The following PEAK1 variants were observed in gnomAD, a reference collection of about 807,000 sequenced individuals.
PEAK1 encodes pseudopodium enriched atypical kinase 1, also known as inactive tyrosine-protein kinase PEAK1.
In PEAK1, 54 loss-of-function variants were observed where a neutral mutation model predicts 124.7. That is an observed-to-expected ratio of 0.43 (90% confidence interval 0.35 to 0.54). The LOEUF is 0.54. Among genes scored for constraint, PEAK1 ranks in the 20% least tolerant of loss-of-function variants. The pLI is 0.01. For synonymous variants in PEAK1, 719 were observed against 760.0 expected, an observed-to-expected ratio of 0.95 and a Z score of 0.89; for missense variants, 2,046 against 2,134.5, an observed-to-expected ratio of 0.96 and a Z score of 0.82.
At chr15:77,269,335 C>A (rs150624398) in intron 5 of PEAK1, among the ~76,000 whole-genome samples, 1 of 152,222 alleles carries the variant, frequency 6.6e-6, no homozygotes, top group Non-Finnish European at 1.5e-5. Flanking sequence ...ATACTCCATG[C>A]AAATGGGCAC....
chr15:77,304,442 A>AC (rs2063962865), intron 2 of PEAK1, among the ~76,000 whole-genome samples: 1 of 86,490 alleles, frequency 1.2e-5, no homozygotes, highest in Non-Finnish European at 2.1e-5. Flanking sequence ...TCCTGTATAC[A>AC]TTTTTTTTTT....
At chr15:77,229,599 C>T (rs1050156162) in intron 6 of PEAK1, among the ~76,000 whole-genome samples, 139 of 152,094 alleles carry the variant, frequency 9.1e-4, no homozygotes, top group African/African-American at 3.2e-3. Context: ...GATTCCTGAC[C>T]ATTTTTGTTA....
intron 2 of PEAK1, among the ~76,000 whole-genome samples, chr15:77,343,279 A>G (rs2066653397): frequency 6.6e-6 from 1 of 152,068 alleles, no homozygotes; most frequent in Non-Finnish European, 1.5e-5. Context: ...CTTTGGAGAA[A>G]TGCCTTTGAT....
rs77659422 is a variant in PEAK1 at position 77,125,250 on chromosome 15, A to C, written c.4077+7755T>G. ...GAAAAGGTCAAGTATAATAGTGGGG[A>C]GAGGGGAGAGGAAGCATGTTTTTGT... On this transcript the variant is annotated intron_variant, in intron 9 of 9. Coordinates refer to ENST00000682557, the MANE Select transcript of PEAK1 (RefSeq NM_001385026.1). Among the ~76,000 whole-genome samples, 74 of 152,300 alleles carry C rather than the reference A, an allele frequency of 4.9e-4. 1 individual carries two copies. In the East Asian group the frequency reaches 0.013, roughly 26 times the overall value.
At chr15:77,413,622 G>T (rs1380288808) in intron 1 of PEAK1, among the ~76,000 whole-genome samples, 1 of 152,138 alleles carries the variant, frequency 6.6e-6, no homozygotes, top group African/African-American at 2.4e-5. Context: ...GAGAGACAAA[G>T]AAGACAACTA....
chr15:77,168,286 T>C lies in PEAK1; in HGVS notation c.3138-9590A>G, dbSNP rs142593780. On this transcript the variant is annotated intron_variant, in intron 7 of 9. Transcript: ENST00000682557. ...ACACATATTAATAGGCCTATATTGGTTACTATAGAGAGTACCAAACCTTTC... is the reference window on the plus strand; with the variant it reads ...ACACATATTAATAGGCCTATATTGGCTACTATAGAGAGTACCAAACCTTTC... Among the ~76,000 whole-genome samples the C allele has an allele frequency of 4.2e-3, 637 of 151,494 alleles. 4 individuals carry two copies. The highest frequency in any genetic ancestry group is 0.014 in the African/African-American group (588 of 41,266).
intron 1 of PEAK1, among the ~76,000 whole-genome samples, chr15:77,365,636 A>C (rs1254186616): frequency 6.7e-6 from 1 of 149,474 alleles, no homozygotes; most frequent in African/African-American, 2.5e-5. Context: ...CCTACTCGGG[A>C]GGCTGAGGCA....
chr15:77,310,087 G>T (rs1042609656), intron 2 of PEAK1, among the ~76,000 whole-genome samples: 1 of 152,154 alleles, frequency 6.6e-6, no homozygotes, highest in Non-Finnish European at 1.5e-5. Flanking sequence ...AATCTCTTAT[G>T]TATGGGTGGT....
In PEAK1 at chr15:77,327,909, A is replaced by T. The variant is rs551090570; in HGVS notation, c.-603+37254T>A. 2.2e-4 allele frequency among the ~76,000 whole-genome samples: 34 copies of T among 152,222 alleles called. No homozygotes were observed. The Middle Eastern group carries it at 0.01, about 46-fold the overall frequency. On this transcript the variant is annotated intron_variant, in intron 2 of 9. Coordinates refer to ENST00000682557, the MANE Select transcript of PEAK1 (RefSeq NM_001385026.1). ...TTATGGAAGAAGAAGGAAAAAAAAT[A>T]AAAAAACCTTAGTCAAAGCACCCTG...
rs553887976 is a variant in PEAK1 at position 77,369,023 on chromosome 15, T to C, written c.-665-3798A>G. 1.2e-4 allele frequency among the ~76,000 whole-genome samples: 18 copies of C among 152,340 alleles called. No individual in the cohort carries two copies. In the South Asian group the frequency reaches 2.7e-3, roughly 23 times the overall value. On this transcript the variant is annotated intron_variant, in intron 1 of 9. Coordinates refer to ENST00000682557, the MANE Select transcript of PEAK1 (RefSeq NM_001385026.1). ...CTCAAGTTTGACATTTGCACTTACA[T>C]GTTGTATTCAAAAAGTATAAAACTT...
intron 8 of PEAK1, among the ~76,000 whole-genome samples, chr15:77,147,427 GA>G (rs1448171862): frequency 6.6e-6 from 1 of 152,142 alleles, no homozygotes; most frequent in East Asian, 1.9e-4. Flanking sequence ...GAATGTAGAA[GA>G]TATGAGTACT....
chr15:77,249,320 C>T (rs946317713), intron 6 of PEAK1, among the ~76,000 whole-genome samples: 4 of 152,128 alleles, frequency 2.6e-5, no homozygotes, highest in Non-Finnish European at 4.4e-5. Context: ...CCCACAAAGG[C>T]CATAATTTTC....
intron 2 of PEAK1, among the ~76,000 whole-genome samples, chr15:77,342,562 T>C (rs1181472657): frequency 5.3e-5 from 8 of 152,134 alleles, no homozygotes; most frequent in Non-Finnish European, 8.8e-5. Context: ...GGAGCCACCA[T>C]GCTTGGCTAA....
At chr15:77,196,025 T>C (rs1024042263) in intron 6 of PEAK1, among the ~76,000 whole-genome samples, 3 of 152,254 alleles carry the variant, frequency 2.0e-5, no homozygotes, top group Non-Finnish European at 4.4e-5. Flanking sequence ...CTGTATAATC[T>C]GTTTAACCTT....
intron 8 of PEAK1, among the ~76,000 whole-genome samples, chr15:77,138,278 T>C (rs1456475312): frequency 6.6e-6 from 1 of 152,160 alleles, no homozygotes. Flanking sequence ...TATAGGGCAC[T>C]TACCATGAAA....
In PEAK1 at chr15:77,335,880, C is replaced by T. The variant is rs184739879; in HGVS notation, c.-603+29283G>A. ...CAAAGAGACTTGACAACATGCCATC[C>T]TTCCCACCCCAATCATTGCACTTCA... On this transcript the variant is annotated intron_variant, in intron 2 of 9. Transcript: ENST00000682557. The T allele has an allele frequency of 5.1e-6, 5 of 985,378 alleles. No individual in the cohort carries two copies. In the East Asian group the frequency reaches 3.4e-4, roughly 67 times the overall value. 61.0% of individuals were successfully genotyped at this position (985,378 alleles called of 1,614,324 possible).
At chr15:77,385,820 T>A (rs190231323) in intron 1 of PEAK1, among the ~76,000 whole-genome samples, 1 of 152,206 alleles carries the variant, frequency 6.6e-6, no homozygotes, top group Non-Finnish European at 1.5e-5. Flanking sequence ...TAACACCAAC[T>A]GCCTCCTGAC....
intron 1 of PEAK1, among the ~76,000 whole-genome samples, chr15:77,414,771 G>A (rs148464941): frequency 6.6e-6 from 1 of 152,208 alleles, no homozygotes; most frequent in Non-Finnish European, 1.5e-5. Flanking sequence ...TCCACAAATA[G>A]AAGCTAGTAT....
chr15:77,128,947 G>A (rs2052613333), intron 9 of PEAK1, among the ~76,000 whole-genome samples: 1 of 152,208 alleles, frequency 6.6e-6, no homozygotes, highest in African/African-American at 2.4e-5. Context: ...TGGGTTAGAG[G>A]TAGAGTGCTA....
Sources: gnomAD v4.1 joint callset for allele counts (sites outside exome capture counted in the v4.1 genomes callset) on GRCh38, gnomAD v4.1.1 for gene constraint, MANE v1.5 for transcripts, NCBI Gene and HGNC (gene_info 2026-07-23, HGNC 2026-07-21) for gene names.